Variants in GXYLT2 observed in about 807,000 individuals in gnomAD.
GXYLT2 encodes glycosyltransferase 8 domain containing 4.
In GXYLT2, 53 loss-of-function variants were observed where a neutral mutation model predicts 45.8. The observed-to-expected ratio is 1.16, with a 90% CI of 0.93 to 1.46. The LOEUF (loss-of-function observed/expected upper bound fraction) is 1.46. Ranked by LOEUF, GXYLT2 falls within the 40% of genes most tolerant of loss-of-function variation. GXYLT2 has a pLI of 0.00. For synonymous variants in GXYLT2, 219 were observed against 214.2 expected, an observed-to-expected ratio of 1.02 and a Z score of -0.19; for missense variants, 551 against 544.4, an observed-to-expected ratio of 1.01 and a Z score of -0.12.
intron 3 of GXYLT2, among the ~76,000 whole-genome samples, chr3:72,939,383 C>T (rs547659611): frequency 4.6e-5 from 7 of 151,606 alleles, no homozygotes; most frequent in African/African-American, 1.2e-4. Context: ...TGCAGTGAGC[C>T]GAGATCACAC....
chr3:72,969,872 C>T (rs1414603648), intron 6 of GXYLT2, among the ~76,000 whole-genome samples: 1 of 110,508 alleles, frequency 9.0e-6, no homozygotes, highest in Non-Finnish European at 1.8e-5. Flanking sequence ...AATCCTGTAA[C>T]ATAGTAACAA....
chr3:72,909,591 T>A (rs2107082181), intron 2 of GXYLT2, among the ~76,000 whole-genome samples: 1 of 152,296 alleles, frequency 6.6e-6, no homozygotes, highest in East Asian at 1.9e-4. Flanking sequence ...CTCATTCTTT[T>A]TGGTGACTAC....
chr3:72,929,977 G>A (rs1271516514), intron 3 of GXYLT2, among the ~76,000 whole-genome samples: 2 of 152,090 alleles, frequency 1.3e-5, no homozygotes, highest in Non-Finnish European at 2.9e-5. Flanking sequence ...AACCAGCCTG[G>A]CCAACATGGT....
chr3:72,929,593 G>A (rs1709986452), intron 3 of GXYLT2: 2 of 1,047,852 alleles, frequency 1.9e-6, no homozygotes, highest in Admixed American at 1.7e-5. Context: ...GATAACGAAA[G>A]CTAAGCCTCA....
At chr3:72,953,478 A>T (rs1710565024) in intron 3 of GXYLT2, among the ~76,000 whole-genome samples, 1 of 152,078 alleles carries the variant, frequency 6.6e-6, no homozygotes, top group African/African-American at 2.4e-5. Context: ...TTTGATAAAG[A>T]TGGGGTTTCA....
intron 4 of GXYLT2, 150 bp downstream of exon 4, chr3:72,955,499 A>G: frequency 1.5e-6 from 1 of 684,552 alleles, no homozygotes; most frequent in South Asian, 2.0e-5. Context: ...TTAGAAAATT[A>G]TAGAATATTT....
chr3:72,957,693 C>T (rs1413746507), intron 5 of GXYLT2, among the ~76,000 whole-genome samples: 1 of 152,140 alleles, frequency 6.6e-6, no homozygotes, highest in Non-Finnish European at 1.5e-5. Context: ...GCGGGAGACC[C>T]TGTAGCCTGA....
Position 72,967,683 on chromosome 3 carries a change from A to G in GXYLT2, c.1113A>G (p.Gln371=). ...GNRGVYHDDK[Q]PTFRALYEAI... is the part of the protein sequence containing the mutation. ...GAGGCGTCTACCATGACGATAAGCA[A>G]CCAACGTTCAGAGCACTCTATGAAG... is the stretch of plus-strand genomic sequence containing the variant. Residue 371 remains glutamine, a synonymous_variant, in exon 6 of 7, where the codon CAA becomes CAG. Transcript: ENST00000389617. The G allele has an allele frequency of 6.2e-7, 1 of 1,613,934 alleles. No homozygotes were observed. Among genetic ancestry groups the G allele is most frequent in the African/African-American group, 1.3e-5 (1 of 75,048 alleles).
At chr3:72,914,087 A>G (rs1709684880) in intron 2 of GXYLT2, among the ~76,000 whole-genome samples, 1 of 152,008 alleles carries the variant, frequency 6.6e-6, no homozygotes, top group South Asian at 2.1e-4. Flanking sequence ...TTTTTTTGGG[A>G]TAACTTCTGG....
intron 1 of GXYLT2, among the ~76,000 whole-genome samples, chr3:72,897,655 A>G (rs1709320045): frequency 1.3e-5 from 2 of 152,202 alleles, no homozygotes; most frequent in Non-Finnish European, 2.9e-5. Context: ...AAGAAACCCC[A>G]AAACCCAAAG....
chr3:72,963,011 G>A (rs1710796722), intron 5 of GXYLT2, among the ~76,000 whole-genome samples: 1 of 151,740 alleles, frequency 6.6e-6, no homozygotes, highest in African/African-American at 2.4e-5. Flanking sequence ...CCGTTCTATT[G>A]ATACAGAGTA....
At position 72,888,208 on chromosome 3, in the gene GXYLT2, G is replaced by GGCCGCCGCC. The variant is rs1015286524; in HGVS notation, c.-17_-9dup. On this transcript the variant is annotated 5_prime_UTR_variant, in exon 1 of 7. Coordinates refer to ENST00000389617, the MANE Select transcript of GXYLT2 (RefSeq NM_001080393.2). ...GCGCAGAGGGGCCGAGCCGCCTGGG[G>GGCCGCCGCC]GCCGCCGCCGCCGCCGCGCCGCACC... 1.0e-3 allele frequency: 1,020 copies of GGCCGCCGCC among 985,872 alleles called. 10 individuals are homozygous for GGCCGCCGCC. The African/African-American group carries it at 0.016, about 16-fold the overall frequency. 61.1% of individuals were successfully genotyped at this position (985,872 alleles called of 1,614,324 possible). A position where few individuals can be genotyped will look rare whatever the true frequency, so the allele number is the denominator to read the frequency against.
intron 2 of GXYLT2, among the ~76,000 whole-genome samples, chr3:72,918,104 A>G (rs2107095844): frequency 6.6e-6 from 1 of 152,354 alleles, no homozygotes; most frequent in East Asian, 1.9e-4. Flanking sequence ...AGCAGCCACA[A>G]ACAATATATA....
intron 3 of GXYLT2, among the ~76,000 whole-genome samples, chr3:72,945,443 A>G (rs4677213): frequency 0.81 from 122,743 of 152,224 alleles, 49,636 homozygotes; most frequent in East Asian, 0.93. Context: ...ACCTAGATAC[A>G]GAAGATCCCA....
chr3:72,910,423 G>C (rs1709594148), intron 2 of GXYLT2, among the ~76,000 whole-genome samples: 1 of 152,110 alleles, frequency 6.6e-6, no homozygotes, highest in African/African-American at 2.4e-5. Flanking sequence ...TATGACCTTG[G>C]GTTAGTCTTT....
chr3:72,953,112 A>G (rs1192023837), intron 3 of GXYLT2, among the ~76,000 whole-genome samples: 1 of 152,122 alleles, frequency 6.6e-6, no homozygotes, highest in East Asian at 1.9e-4. Flanking sequence ...GGCTTGAATC[A>G]TCCAAGCAGA....
intron 1 of GXYLT2, among the ~76,000 whole-genome samples, chr3:72,891,641 GT>G (rs1709184462): frequency 6.6e-6 from 1 of 152,134 alleles, no homozygotes; most frequent in Non-Finnish European, 1.5e-5. Flanking sequence ...TGGCTTATTG[GT>G]GATTTACAGC....
rs1710619673 is a variant in GXYLT2 at position 72,955,316 on chromosome 3, G to A, written c.819G>A (p.Met273Ile). 6.2e-7 allele frequency: 1 copy of A among 1,613,932 alleles called. No homozygotes were observed. Among genetic ancestry groups the A allele is most frequent in the South Asian group, 1.1e-5 (1 of 91,070 alleles). Residue 273 changes from methionine to isoleucine, a missense_variant, in exon 4 of 7, where the codon ATG (methionine) becomes ATA (isoleucine). Transcript: ENST00000389617. ...GAGTTAATTCAGGAGTCATGTTAATGAATTTAACTCGGATAAGAAGTACCC... is the reference window on the plus strand; with the variant it reads ...GAGTTAATTCAGGAGTCATGTTAATAAATTTAACTCGGATAAGAAGTACCC... ...SAGVNSGVMLMNLTRIRSTQF... is the reference protein window; with the variant it reads ...SAGVNSGVMLINLTRIRSTQF...
intron 3 of GXYLT2, among the ~76,000 whole-genome samples, chr3:72,942,781 A>G (rs1575804086): frequency 6.6e-6 from 1 of 152,270 alleles, no homozygotes; most frequent in East Asian, 1.9e-4. Context: ...AGGCTGAGAA[A>G]TTGTTACAGA....
Sources: gnomAD v4.1 joint callset for allele counts (sites outside exome capture counted in the v4.1 genomes callset) on GRCh38, gnomAD v4.1.1 for gene constraint, MANE v1.5 for transcripts, NCBI Gene and HGNC (gene_info 2026-07-23, HGNC 2026-07-21) for gene names.